CPNE4: variants seen among roughly 807,000 people sequenced by gnomAD.
CPNE4 encodes the protein copine-4.
A neutral mutation model predicts 67.9 loss-of-function variants in CPNE4; 25 were observed. The observed-to-expected ratio is 0.37, with a 90% CI of 0.27 to 0.51. The LOEUF (loss-of-function observed/expected upper bound fraction) is 0.51. CPNE4 is among the 20% of genes least tolerant of loss of function. The probability of loss-of-function intolerance (pLI) is 0.93; values close to 1 mark genes in which losing one functional copy is unlikely to be tolerated. For missense variants in CPNE4, 464 were observed against 690.8 expected, an observed-to-expected ratio of 0.67 and a Z score of 3.68; for synonymous variants, 242 against 244.9, an observed-to-expected ratio of 0.99 and a Z score of 0.11.
intron 5 of CPNE4, among the ~76,000 whole-genome samples, chr3:131,687,407 A>C (rs1001964527): frequency 6.6e-6 from 1 of 152,210 alleles, no homozygotes; most frequent in African/African-American, 2.4e-5. Context: ...TACATAAATA[A>C]GTGAATGGAT....
chr3:132,023,660 T>C (rs1009395732), intron 1 of CPNE4, among the ~76,000 whole-genome samples: 7 of 152,052 alleles, frequency 4.6e-5, no homozygotes, highest in African/African-American at 1.7e-4. Flanking sequence ...GCTAATTTTT[T>C]GTATTTTTAG....
intron 2 of CPNE4, among the ~76,000 whole-genome samples, chr3:131,733,299 C>G (rs1403141723): frequency 2.0e-5 from 3 of 152,194 alleles, no homozygotes; most frequent in African/African-American, 7.2e-5. Flanking sequence ...GGGCAACAAA[C>G]CCTGAAAAGT....
chr3:131,864,519 G>A (rs984166058), intron 2 of CPNE4, among the ~76,000 whole-genome samples: 2 of 151,894 alleles, frequency 1.3e-5, no homozygotes, highest in Non-Finnish European at 2.9e-5. Flanking sequence ...TCTGTTATTG[G>A]TGTATAAGAA....
chr3:131,718,645 G>A (rs1452449297), intron 3 of CPNE4, among the ~76,000 whole-genome samples: 2 of 152,168 alleles, frequency 1.3e-5, no homozygotes, highest in Non-Finnish European at 2.9e-5. Flanking sequence ...TTTAGGTAGA[G>A]GTCTTTCCCC....
At chr3:131,680,250 CTGCT>C (rs1259994203) in intron 6 of CPNE4, among the ~76,000 whole-genome samples, 1 of 62,272 alleles carries the variant, frequency 1.6e-5, no homozygotes. Context: ...ATTGCAACCC[CTGCT>C]TTTTTTTTTT....
chr3:131,943,200 A>C (rs2071451680), intron 1 of CPNE4, among the ~76,000 whole-genome samples: 1 of 152,190 alleles, frequency 6.6e-6, no homozygotes, highest in Non-Finnish European at 1.5e-5. Context: ...AAAAACATTT[A>C]TATTCCTACA....
At chr3:131,879,372 C>G (rs1466544993) in intron 2 of CPNE4, among the ~76,000 whole-genome samples, 1 of 152,190 alleles carries the variant, frequency 6.6e-6, no homozygotes, top group African/African-American at 2.4e-5. Context: ...AAAATCTCAA[C>G]ACGTAAAAGA....
chr3:131,547,014 T>C (rs1294676000), intron 14 of CPNE4, among the ~76,000 whole-genome samples: 1 of 152,186 alleles, frequency 6.6e-6, no homozygotes, highest in African/African-American at 2.4e-5. Context: ...AATAAAATAA[T>C]GGTCACATCC....
intron 2 of CPNE4, among the ~76,000 whole-genome samples, chr3:131,797,474 C>T (rs999654850): frequency 1.6e-4 from 24 of 152,142 alleles, no homozygotes; most frequent in African/African-American, 5.8e-4. Context: ...GAGATTCTAC[C>T]AGAAACTGCA....
At chr3:131,950,932 G>A (rs371244242) in intron 1 of CPNE4, among the ~76,000 whole-genome samples, 6 of 152,300 alleles carry the variant, frequency 3.9e-5, no homozygotes, top group East Asian at 3.9e-4. Flanking sequence ...AAGAGACTGA[G>A]CATCTCATAG....
At chr3:131,903,918 T>C (rs1318309456) in intron 2 of CPNE4, among the ~76,000 whole-genome samples, 2 of 152,126 alleles carry the variant, frequency 1.3e-5, no homozygotes, top group African/African-American at 2.4e-5. Flanking sequence ...AGAACCCCAC[T>C]GTTTTTCCTA....
At chr3:131,956,651 T>G (rs948658296) in intron 1 of CPNE4, among the ~76,000 whole-genome samples, 3 of 152,132 alleles carry the variant, frequency 2.0e-5, no homozygotes, top group African/African-American at 7.2e-5. Context: ...TGAAAAACTA[T>G]ATAAATATCC....
intron 14 of CPNE4, among the ~76,000 whole-genome samples, chr3:131,545,617 C>G (rs1329063135): frequency 6.6e-6 from 1 of 152,106 alleles, no homozygotes; most frequent in South Asian, 2.1e-4. Flanking sequence ...AATTATTAGA[C>G]AAACTACTGG....
At chr3:131,886,136 G>C (rs919518779) in intron 2 of CPNE4, among the ~76,000 whole-genome samples, 5 of 152,174 alleles carry the variant, frequency 3.3e-5, no homozygotes, top group African/African-American at 1.2e-4. Flanking sequence ...TGGTTTCATG[G>C]GCTGGGCCCA....
intron 1 of CPNE4, among the ~76,000 whole-genome samples, chr3:131,957,180 A>C (rs966094706): frequency 7.9e-5 from 12 of 152,188 alleles, no homozygotes; most frequent in Non-Finnish European, 1.6e-4. Flanking sequence ...ATCCCACTGG[A>C]GACCCACTCT....
intron 1 of CPNE4, among the ~76,000 whole-genome samples, chr3:131,912,712 T>C (rs2089026797): frequency 6.6e-6 from 1 of 152,150 alleles, no homozygotes; most frequent in East Asian, 1.9e-4. Flanking sequence ...CTGGACACTG[T>C]AAGAGATGGA....
intron 3 of CPNE4, among the ~76,000 whole-genome samples, chr3:131,702,424 T>C (rs1483008372): frequency 2.0e-5 from 3 of 152,136 alleles, no homozygotes; most frequent in East Asian, 1.9e-4. Flanking sequence ...GCAAGGGAAG[T>C]GGGGAAGACA....
chr3:132,015,012 G>C (rs2073857654), intron 1 of CPNE4, among the ~76,000 whole-genome samples: 1 of 151,980 alleles, frequency 6.6e-6, no homozygotes, highest in African/African-American at 2.4e-5. Flanking sequence ...AAAACTGTTT[G>C]ATTTATTCTG....
chr3:131,740,460 T>G (rs1329587258), intron 2 of CPNE4, among the ~76,000 whole-genome samples: 1 of 152,184 alleles, frequency 6.6e-6, no homozygotes, highest in Non-Finnish European at 1.5e-5. Flanking sequence ...TTCTAGATGC[T>G]CAAGCGAAAA....
Sources: allele counts gnomAD v4.1 joint callset (sites outside exome capture counted in the v4.1 genomes callset), GRCh38; gene constraint gnomAD v4.1.1; transcripts MANE v1.5; gene names NCBI Gene and HGNC (gene_info 2026-07-23, HGNC 2026-07-21).